The following GRAMD2B variants were observed in gnomAD, a reference collection of about 807,000 sequenced individuals.
GRAMD2B encodes GRAM domain containing 2B.
Under a neutral mutation model 59.2 loss-of-function variants are expected in GRAMD2B, and 41 were observed. The observed-to-expected ratio is 0.69, with a 90% CI of 0.54 to 0.90. The LOEUF (loss-of-function observed/expected upper bound fraction) is 0.90. GRAMD2B is among the 40% of genes least tolerant of loss of function. The probability of loss-of-function intolerance (pLI) is 0.00; values close to 1 mark genes in which losing one functional copy is unlikely to be tolerated. For synonymous variants in GRAMD2B, 161 were observed against 182.7 expected (o/e 0.88, Z 0.96); for missense variants, 424 against 500.5 (o/e 0.85, Z 1.46).
chr5:126,465,289 C>T (rs548401518), intron 1 of GRAMD2B, 137 bp from the exon 2 acceptor site: 16 of 1,508,602 alleles, frequency 1.1e-5, no homozygotes, highest in Middle Eastern at 2.1e-4. Context: ...GAAAGGGCCT[C>T]GCTGTCAAAG....
At chr5:126,366,567 C>A (rs1754445396), upstream of GRAMD2B, among the ~76,000 whole-genome samples, 1 of 152,202 alleles carries the variant, frequency 6.6e-6, no homozygotes, top group African/African-American at 2.4e-5. Context: ...GTCCTCCAAA[C>A]AATTTTTTGA....
chr5:126,411,273 T>G (rs1353513007), intron 1 of GRAMD2B, among the ~76,000 whole-genome samples: 1 of 152,232 alleles, frequency 6.6e-6, no homozygotes, highest in Middle Eastern at 3.4e-3. Context: ...TTGAGTTAAT[T>G]TGTGTATATG....
At chr5:126,385,636 A>C (rs1012862479) in intron 1 of GRAMD2B, among the ~76,000 whole-genome samples, 5 of 152,210 alleles carry the variant, frequency 3.3e-5, no homozygotes, top group African/African-American at 9.6e-5. Context: ...ACTTAGTCAA[A>C]AAGTATTTAT....
chr5:126,475,164 C>T (rs557498303), intron 5 of GRAMD2B, among the ~76,000 whole-genome samples: 29 of 152,172 alleles, frequency 1.9e-4, no homozygotes, highest in African/African-American at 6.5e-4. Flanking sequence ...TAATCCGGAC[C>T]TTTTTAGTCA....
At chr5:126,437,473 T>C (rs1009056232) in intron 1 of GRAMD2B, among the ~76,000 whole-genome samples, 2 of 152,148 alleles carry the variant, frequency 1.3e-5, no homozygotes, top group Non-Finnish European at 2.9e-5. Flanking sequence ...AGCTAGCAGA[T>C]AGATTTGGCA....
chr5:126,426,240 A>G (rs1300912738), intron 1 of GRAMD2B, among the ~76,000 whole-genome samples: 1 of 152,212 alleles, frequency 6.6e-6, no homozygotes, highest in Non-Finnish European at 1.5e-5. Flanking sequence ...TATGCCAAAC[A>G]TAGGAGCAAA....
chr5:126,364,762 T>A (rs1255718488), intron 1 of GRAMD2B, among the ~76,000 whole-genome samples: 1 of 152,246 alleles, frequency 6.6e-6, no homozygotes, highest in Non-Finnish European at 1.5e-5. Context: ...TCCCTCTATA[T>A]CCTCTATCAT....
intron 1 of GRAMD2B, chr5:126,462,363 C>T (rs1253321058): frequency 1.0e-5 from 10 of 967,630 alleles, no homozygotes; most frequent in Non-Finnish European, 1.2e-5. Context: ...TCCCCTCCCA[C>T]GCTGCTCACT....
intron 1 of GRAMD2B, among the ~76,000 whole-genome samples, chr5:126,450,326 T>C (rs1196287177): frequency 1.3e-5 from 2 of 152,210 alleles, no homozygotes; most frequent in Admixed American, 1.3e-4. Flanking sequence ...GTTATTGCAC[T>C]ATTAACAGGT....
chr5:126,445,518 A>G (rs1328194451), intron 1 of GRAMD2B: 2 of 152,020 alleles, frequency 1.3e-5, no homozygotes, highest in East Asian at 3.9e-4. Flanking sequence ...GGACTTGCTG[A>G]CACAAAGTAT....
At chr5:126,370,530 A>C (rs911070727), upstream of GRAMD2B, among the ~76,000 whole-genome samples, 14 of 152,244 alleles carry the variant, frequency 9.2e-5, no homozygotes, top group African/African-American at 3.4e-4. Flanking sequence ...TTCCTTGTGC[A>C]TGAACATTTG....
intron 10 of GRAMD2B, among the ~76,000 whole-genome samples, chr5:126,484,897 G>A (rs1772609143): frequency 6.6e-6 from 1 of 152,020 alleles, no homozygotes; most frequent in Non-Finnish European, 1.5e-5. Context: ...TTGTAACTGG[G>A]TTTCACCTTA....
At position 126,493,117 on chromosome 5, in the gene GRAMD2B, GA is replaced by G. The variant is rs1468187206; in HGVS notation, c.*164del. ...TCTCCAGCTCAGGAAAGTGAGGAGG[GA>G]AATAATTTTGGTTCTTGTGCAATAA... On this transcript the variant is annotated 3_prime_UTR_variant, in exon 14 of 14. Coordinates refer to ENST00000285689, the MANE Select transcript of GRAMD2B (RefSeq NM_023927.4). The G allele has an allele frequency of 5.1e-6, 3 of 588,020 alleles. No homozygotes were observed. The African/African-American group carries it at 5.6e-5, about 11-fold the overall frequency. The allele number at this position is 588,020 out of a possible 1,614,324, so 36.4% of individuals were successfully genotyped here. A position where few individuals can be genotyped will look rare whatever the true frequency, so the allele number is the denominator to read the frequency against.
chr5:126,421,024 T>A (rs1429133623), upstream of GRAMD2B, among the ~76,000 whole-genome samples: 1 of 152,186 alleles, frequency 6.6e-6, no homozygotes, highest in Non-Finnish European at 1.5e-5. Flanking sequence ...GTGAGGTACC[T>A]AAAACAGACA....
intron 2 of GRAMD2B, among the ~76,000 whole-genome samples, chr5:126,468,998 A>G (rs565088773): frequency 1.1e-4 from 16 of 152,338 alleles, no homozygotes; most frequent in African/African-American, 3.6e-4. Context: ...TACTTGTTAT[A>G]TATTAGTGGA....
At chr5:126,406,394 A>G (rs1428542868) in intron 1 of GRAMD2B, among the ~76,000 whole-genome samples, 1 of 151,984 alleles carries the variant, frequency 6.6e-6, no homozygotes, top group South Asian at 2.1e-4. Flanking sequence ...GATTTAACTT[A>G]TATATATTAA....
At chr5:126,401,497 G>A (rs1463527787) in intron 1 of GRAMD2B, among the ~76,000 whole-genome samples, 1 of 151,858 alleles carries the variant, frequency 6.6e-6, no homozygotes. Flanking sequence ...GTGGAATCAT[G>A]TTTCCTTGAT....
Position 126,441,088 on chromosome 5 carries a change from G to A in GRAMD2B, c.83+17399G>A, listed in dbSNP as rs1348242135. ...TTTTTTGTGTCTTTTTTTTCATGGT[G>A]TTGGTAATGTTTGAATTTTCTAGAA... On this transcript the variant is annotated intron_variant, in intron 1 of 13. Coordinates refer to ENST00000285689, the MANE Select transcript of GRAMD2B (RefSeq NM_023927.4). Among the ~76,000 whole-genome samples, 7 of 151,746 alleles carry A rather than the reference G, an allele frequency of 4.6e-5. No individual in the cohort carries two copies. In the South Asian group the frequency reaches 1.5e-3, roughly 32 times the overall value.
At chr5:126,403,472 A>G (rs1322577603) in intron 1 of GRAMD2B, among the ~76,000 whole-genome samples, 1 of 152,022 alleles carries the variant, frequency 6.6e-6, no homozygotes, top group Non-Finnish European at 1.5e-5. Context: ...TTTTCTGATT[A>G]ATTAAGTCAT....
Sources: gnomAD v4.1 joint callset for allele counts (sites outside exome capture counted in the v4.1 genomes callset) on GRCh38, gnomAD v4.1.1 for gene constraint, MANE v1.5 for transcripts, NCBI Gene and HGNC (gene_info 2026-07-23, HGNC 2026-07-21) for gene names.